ATP6V0D2: variants seen among roughly 807,000 people sequenced by gnomAD.
ATP6V0D2 encodes the protein ATPase H+ transporting V0 subunit d2, also known as V-type proton ATPase subunit d 2.
ATP6V0D2 carries 40 observed loss-of-function variants against 40.0 expected under a neutral mutation model. That is an observed-to-expected ratio of 1.00 (90% CI 0.78 to 1.30). ATP6V0D2 has a LOEUF of 1.30. Among genes scored for constraint, ATP6V0D2 ranks in the 50% most tolerant of loss-of-function variants. The pLI, the probability that ATP6V0D2 is intolerant of heterozygous loss-of-function variation, is 0.00. For synonymous variants in ATP6V0D2, 179 were observed against 156.3 expected (o/e 1.15, Z -1.08); for missense variants, 470 against 423.1 (o/e 1.11, Z -0.97).
At chr8:86,142,267 C>T (rs897005595) in intron 4 of ATP6V0D2, among the ~76,000 whole-genome samples, 9 of 152,208 alleles carry the variant, frequency 5.9e-5, no homozygotes, top group Non-Finnish European at 8.8e-5. Context: ...ATATAACTAA[C>T]AGAAGGCACC....
chr8:86,100,080 C>T (rs1266794729), intron 1 of ATP6V0D2, among the ~76,000 whole-genome samples: 2 of 151,622 alleles, frequency 1.3e-5, no homozygotes, highest in African/African-American at 2.4e-5. Context: ...GTGGGGCCAG[C>T]CCTGGATTCA....
chr8:86,144,029 A>G (rs1819014377), intron 5 of ATP6V0D2, among the ~76,000 whole-genome samples: 1 of 152,198 alleles, frequency 6.6e-6, no homozygotes, highest in African/African-American at 2.4e-5. Context: ...AGGAAGACTC[A>G]TTTGTTATGT....
intron 1 of ATP6V0D2, among the ~76,000 whole-genome samples, chr8:86,110,216 T>C (rs900201214): frequency 6.6e-6 from 1 of 152,192 alleles, no homozygotes; most frequent in Non-Finnish European, 1.5e-5. Context: ...TGCCTCAGCC[T>C]TCTGAGTAGC....
At chr8:86,113,247 G>A (rs1818548320) in intron 1 of ATP6V0D2, among the ~76,000 whole-genome samples, 1 of 151,958 alleles carries the variant, frequency 6.6e-6, no homozygotes, top group African/African-American at 2.4e-5. Flanking sequence ...GGGAGCCTGA[G>A]GTGGACAGAT....
chr8:86,141,013 A>C (rs935723566), intron 3 of ATP6V0D2, among the ~76,000 whole-genome samples: 1 of 152,142 alleles, frequency 6.6e-6, no homozygotes, highest in Non-Finnish European at 1.5e-5. Flanking sequence ...CACACAACCT[A>C]GATCCCTCAG....
At chr8:86,106,271 C>G (rs1818469982) in intron 1 of ATP6V0D2, among the ~76,000 whole-genome samples, 1 of 151,978 alleles carries the variant, frequency 6.6e-6, no homozygotes, top group South Asian at 2.1e-4. Context: ...TACCTGGGAC[C>G]ACAGGTGCAT....
intron 2 of ATP6V0D2, among the ~76,000 whole-genome samples, chr8:86,136,148 CTCAG>C (rs1275534514): frequency 2.6e-5 from 4 of 152,176 alleles, no homozygotes; most frequent in Non-Finnish European, 5.9e-5. Flanking sequence ...AACAAGGCCA[CTCAG>C]TAAGAGTTGA....
chr8:86,151,484 G>A lies in ATP6V0D2; in HGVS notation c.835G>A (p.Glu279Lys). The change falls in exon 7 of 8, where the codon GAA becomes AAA. Residue 279 changes from glutamate (E) to lysine (K), a missense_variant. Physicochemically the swap from Glu to Lys is moderately conservative, Grantham distance 56. Coordinates refer to ENST00000285393, the MANE Select transcript of ATP6V0D2 (RefSeq NM_152565.1). The stretch of plus-strand genomic sequence containing the variant: ...TTTTAAGGTATACAAACCTTTATTT[G>A]AAGCTGTAGGTGGCAGTGGGGGAAA... The part of the protein sequence containing the change: ...DHYGVYKPLF[E>K]AVGGSGGKTL... 1 of 1,604,854 alleles carries A rather than the reference G, an allele frequency of 6.2e-7. No homozygotes were observed. The highest frequency in any genetic ancestry group is 8.5e-7 in the Non-Finnish European group (1 of 1,176,092).
intron 6 of ATP6V0D2, among the ~76,000 whole-genome samples, chr8:86,150,550 T>C (rs1000578397): frequency 4.6e-5 from 7 of 152,172 alleles, no homozygotes; most frequent in African/African-American, 1.7e-4. Flanking sequence ...CCTTTTGAAG[T>C]GTTTGATAAA....
chr8:86,132,980 C>G (rs1399212439), intron 2 of ATP6V0D2, among the ~76,000 whole-genome samples: 1 of 152,132 alleles, frequency 6.6e-6, no homozygotes, highest in Non-Finnish European at 1.5e-5. Context: ...CACATCCTCT[C>G]TCCAGCATAT....
At chr8:86,139,180 A>G (rs1034202714) in intron 2 of ATP6V0D2, among the ~76,000 whole-genome samples, 2 of 150,806 alleles carry the variant, frequency 1.3e-5, no homozygotes, top group African/African-American at 4.9e-5. Context: ...GTAAGCCAAG[A>G]TTGGGCCACT....
intron 2 of ATP6V0D2, among the ~76,000 whole-genome samples, chr8:86,120,532 G>A (rs1818655567): frequency 6.6e-6 from 1 of 152,080 alleles, no homozygotes; most frequent in Admixed American, 6.6e-5. Flanking sequence ...ACCAGCCTGG[G>A]CAACACAGCA....
chr8:86,140,269 G>A lies in ATP6V0D2; in HGVS notation c.481+634G>A, dbSNP rs115886722. Among the ~76,000 whole-genome samples the A allele has an allele frequency of 8.6e-3, 1,314 of 152,208 alleles. 17 individuals are homozygous for A. The highest frequency in any genetic ancestry group is 0.03 in the African/African-American group (1,256 of 41,538). On this transcript the variant is annotated intron_variant, in intron 3 of 7. Transcript: ENST00000285393. Reference sequence around the variant, plus strand: ...ATATTGTCAGGAAATCTGGATAGTAGCAATTCACTATTGATCGTTTGTCAA... The same window carrying A: ...ATATTGTCAGGAAATCTGGATAGTAACAATTCACTATTGATCGTTTGTCAA...
chr8:86,107,493 G>A (rs1255941228), intron 1 of ATP6V0D2, among the ~76,000 whole-genome samples: 1 of 152,174 alleles, frequency 6.6e-6, no homozygotes, highest in Non-Finnish European at 1.5e-5. Context: ...ACAGGAACAA[G>A]TTACTTCTCT....
chr8:86,114,678 A>ATT (rs1818569664), intron 2 of ATP6V0D2, among the ~76,000 whole-genome samples: 1 of 122,546 alleles, frequency 8.2e-6, no homozygotes, highest in South Asian at 2.5e-4. Flanking sequence ...TCAAAAATAA[A>ATT]ATAAATTAAA....
At chr8:86,129,596 G>C (rs1049464923) in intron 2 of ATP6V0D2, among the ~76,000 whole-genome samples, 1 of 152,146 alleles carries the variant, frequency 6.6e-6, no homozygotes, top group East Asian at 1.9e-4. Flanking sequence ...CAGATCATCT[G>C]AGGTCAGGAA....
At chr8:86,147,528 G>A (rs182114918) in intron 5 of ATP6V0D2, among the ~76,000 whole-genome samples, 14 of 152,254 alleles carry the variant, frequency 9.2e-5, no homozygotes, top group Non-Finnish European at 1.5e-4. Flanking sequence ...CTAATCAAAT[G>A]CGTGTCAAAC....
chr8:86,148,660 T>C (rs1819102340), intron 5 of ATP6V0D2, among the ~76,000 whole-genome samples: 1 of 152,180 alleles, frequency 6.6e-6, no homozygotes, highest in Non-Finnish European at 1.5e-5. Context: ...AAAATATTGC[T>C]TTGAATAGCA....
chr8:86,115,785 T>A lies in ATP6V0D2; in HGVS notation c.302+1905T>A, dbSNP rs77458796. On this transcript the variant is annotated intron_variant, in intron 2 of 7. Coordinates refer to ENST00000285393, the MANE Select transcript of ATP6V0D2 (RefSeq NM_152565.1). ...ACTTGCTGAGCTGAACAAAGTTAAG[T>A]GGACCTTAACTTCTACACATGCCTT... Among the ~76,000 whole-genome samples the A allele has an allele frequency of 9.7e-3, 1,476 of 152,258 alleles. 21 individuals carry two copies. Among genetic ancestry groups the A allele is most frequent in the African/African-American group, 0.033 (1,384 of 41,554 alleles).
Sources: allele counts gnomAD v4.1 joint callset (sites outside exome capture counted in the v4.1 genomes callset), GRCh38; gene constraint gnomAD v4.1.1; transcripts MANE v1.5; gene names NCBI Gene and HGNC (gene_info 2026-07-23, HGNC 2026-07-21).